The following NEDD4L variants were observed in gnomAD, a reference collection of about 807,000 sequenced individuals.
The protein encoded by NEDD4L is E3 ubiquitin-protein ligase NEDD4-like.
A neutral mutation model predicts 148.9 loss-of-function variants in NEDD4L; 54 were observed. That is an observed-to-expected ratio of 0.36 (90% CI 0.29 to 0.45). NEDD4L has a LOEUF of 0.45. Among genes scored for constraint, NEDD4L ranks in the 20% least tolerant of loss-of-function variants. NEDD4L has a pLI of 1.00. For missense variants in NEDD4L, 856 were observed against 1,233.8 expected (o/e 0.69, Z 4.59); for synonymous variants, 433 against 440.7 (o/e 0.98, Z 0.22).
rs764595394 is a variant in NEDD4L at position 58,390,666 on chromosome 18, C to T, written c.2676C>T (p.Ala892=). The change falls in exon 29 of 31, where the codon GCC becomes GCT. Residue 892 remains alanine (A), a synonymous_variant. Transcript: ENST00000400345. ...CATAGGCTGTGCTACTCATGGACGC[C>T]GAAAAGCGTATCCGGTTACTGCAGT... ...WFWKAVLLMD[A]EKRIRLLQFV... 5 of 1,590,624 alleles carry T rather than the reference C, an allele frequency of 3.1e-6. No homozygotes were observed. Among genetic ancestry groups the T allele is most frequent in the African/African-American group, 2.7e-5 (2 of 74,614 alleles).
intron 1 of NEDD4L, among the ~76,000 whole-genome samples, chr18:58,108,860 A>G (rs1167292110): frequency 6.6e-6 from 1 of 152,240 alleles, no homozygotes; most frequent in African/African-American, 2.4e-5. Context: ...CAGAGTTTCC[A>G]TCTTATCACC....
intron 1 of NEDD4L, among the ~76,000 whole-genome samples, chr18:58,149,781 T>G (rs1230752112): frequency 1.3e-5 from 2 of 152,248 alleles, no homozygotes; most frequent in Non-Finnish European, 2.9e-5. Flanking sequence ...CAGGCCTGAT[T>G]GGTTTTCCTA....
intron 1 of NEDD4L, among the ~76,000 whole-genome samples, chr18:58,115,154 C>G (rs868499664): frequency 1.3e-5 from 2 of 152,132 alleles, no homozygotes; most frequent in Admixed American, 6.5e-5. Context: ...ACCTGGCTCA[C>G]TGGCCTTTGT....
intron 2 of NEDD4L, 149 bp from the exon 3 acceptor site, chr18:58,245,278 A>C (rs1000892929): frequency 2.1e-6 from 1 of 478,374 alleles, no homozygotes; most frequent in African/African-American, 2.0e-5. Flanking sequence ...GTATTGACTT[A>C]GTAGATATGT....
chr18:58,259,250 A>C (rs546980037), intron 5 of NEDD4L, among the ~76,000 whole-genome samples: 4 of 152,358 alleles, frequency 2.6e-5, no homozygotes, highest in African/African-American at 9.6e-5. Context: ...GAAAAAATAC[A>C]GGGGAAACCC....
intron 4 of NEDD4L, 143 bp from the exon 5 acceptor site, chr18:58,251,858 A>C (rs375349662): frequency 1.7e-6 from 1 of 603,654 alleles, no homozygotes; most frequent in African/African-American, 1.9e-5. Context: ...TACACATAGA[A>C]TTCCCAGAAC....
At chr18:58,390,890 A>G (rs2049732182) in intron 29 of NEDD4L, 148 bp downstream of exon 29, 1 of 671,644 alleles carries the variant, frequency 1.5e-6, no homozygotes, top group Non-Finnish European at 2.7e-6. Flanking sequence ...AAGTTCAATG[A>G]AAGTACTGTT....
At chr18:58,278,666 C>T (rs976112373) in intron 5 of NEDD4L, among the ~76,000 whole-genome samples, 1 of 152,142 alleles carries the variant, frequency 6.6e-6, no homozygotes, top group African/African-American at 2.4e-5. Context: ...AGCCTTCCCT[C>T]CCCTTTCTAT....
chr18:58,092,154 C>T (rs1161278217), intron 1 of NEDD4L, among the ~76,000 whole-genome samples: 1 of 152,222 alleles, frequency 6.6e-6, no homozygotes, highest in African/African-American at 2.4e-5. Flanking sequence ...CAGGGCAGGC[C>T]CTGTGACTTG....
At chr18:58,161,452 T>A (rs1217530620) in intron 1 of NEDD4L, among the ~76,000 whole-genome samples, 3 of 132,702 alleles carry the variant, frequency 2.3e-5, no homozygotes, top group Non-Finnish European at 3.2e-5. Flanking sequence ...TTTTTTTTTT[T>A]AACAAAAGTC....
intron 9 of NEDD4L, among the ~76,000 whole-genome samples, chr18:58,328,153 C>T (rs1383256877): frequency 2.6e-5 from 4 of 151,948 alleles, no homozygotes; most frequent in Non-Finnish European, 5.9e-5. Flanking sequence ...TTAGTAGAGG[C>T]GGGGTTTTGC....
intron 6 of NEDD4L, among the ~76,000 whole-genome samples, chr18:58,318,733 GTAT>G (rs2058512159): frequency 6.6e-6 from 1 of 152,212 alleles, no homozygotes; most frequent in Non-Finnish European, 1.5e-5. Flanking sequence ...TCTGAGATCT[GTAT>G]TAACAGAGTG....
At chr18:58,163,020 C>T (rs956909047) in intron 1 of NEDD4L, among the ~76,000 whole-genome samples, 5 of 151,484 alleles carry the variant, frequency 3.3e-5, no homozygotes, top group African/African-American at 9.7e-5. Flanking sequence ...GCTGAGATCC[C>T]GCCACTGCAC....
intron 2 of NEDD4L, among the ~76,000 whole-genome samples, chr18:58,226,517 C>T (rs932274869): frequency 1.3e-5 from 2 of 152,126 alleles, no homozygotes; most frequent in Admixed American, 6.5e-5. Flanking sequence ...CGAATGTGAA[C>T]GCATATGCAG....
chr18:58,095,859 G>C (rs534032018), intron 1 of NEDD4L, among the ~76,000 whole-genome samples: 1 of 152,198 alleles, frequency 6.6e-6, no homozygotes, highest in East Asian at 1.9e-4. Flanking sequence ...GCCCAAGATG[G>C]CCTTGAATGT....
At chr18:58,047,614 T>A in intron 1 of NEDD4L, 1 of 584,556 alleles carries the variant, frequency 1.7e-6, no homozygotes, top group Non-Finnish European at 2.2e-6. Flanking sequence ...TAATTCATAT[T>A]TACCCTGATT....
intron 1 of NEDD4L, among the ~76,000 whole-genome samples, chr18:58,118,643 G>C (rs931505740): frequency 6.6e-6 from 1 of 151,984 alleles, no homozygotes; most frequent in Non-Finnish European, 1.5e-5. Context: ...TGTGTGTGGC[G>C]GGGTGGTGGG....
intron 1 of NEDD4L, among the ~76,000 whole-genome samples, chr18:58,077,698 G>T (rs2083240417): frequency 6.6e-6 from 1 of 152,178 alleles, no homozygotes; most frequent in South Asian, 2.1e-4. Context: ...TTCTGCCCCA[G>T]GGAGCGCTTC....
At chr18:58,387,813 T>G (rs1037386571) in intron 27 of NEDD4L, 3 of 205,606 alleles carry the variant, frequency 1.5e-5, no homozygotes, top group South Asian at 2.3e-4. Flanking sequence ...CATGGCCCTA[T>G]GCACCAGGCG....
Sources: gnomAD v4.1 joint callset for allele counts (sites outside exome capture counted in the v4.1 genomes callset) on GRCh38, gnomAD v4.1.1 for gene constraint, MANE v1.5 for transcripts, NCBI Gene and HGNC (gene_info 2026-07-23, HGNC 2026-07-21) for gene names.